The following SGCZ variants were observed in gnomAD, a reference collection of about 807,000 sequenced individuals.
SGCZ encodes the protein sarcoglycan zeta, also known as zeta-sarcoglycan.
A neutral mutation model predicts 41.3 loss-of-function variants in SGCZ; 40 were observed. The ratio of observed to expected loss-of-function variants is 0.97; its 90% CI spans 0.75 to 1.26. The LOEUF (loss-of-function observed/expected upper bound fraction) is 1.26, where lower values mean the gene tolerates loss of function less well. SGCZ is among the 50% of genes most tolerant of loss of function. The pLI is 0.00. For missense variants in SGCZ, 552 were observed against 369.8 expected, an observed-to-expected ratio of 1.49 and a Z score of -4.04; for synonymous variants, 206 against 137.5, an observed-to-expected ratio of 1.50 and a Z score of -3.49.
intron 1 of SGCZ, among the ~76,000 whole-genome samples, chr8:15,177,761 G>C (rs564194509): frequency 6.6e-6 from 1 of 152,150 alleles, no homozygotes; most frequent in African/African-American, 2.4e-5. Flanking sequence ...ATCTTCACTT[G>C]TAAGCAATCA....
At position 14,846,019 on chromosome 8, in the gene SGCZ, C is replaced by T. The variant is rs1213375374; in HGVS notation, c.40-291093G>A. On this transcript the variant is annotated intron_variant, in intron 1 of 7. Coordinates refer to ENST00000382080, the MANE Select transcript of SGCZ (RefSeq NM_139167.4). ...AAGCTTAAACATGTATACACCCAAC[C>T]ACAGGGTTTCAAATACATGAAGCAA... is the stretch of plus-strand genomic sequence containing the variant. 2.6e-5 allele frequency among the ~76,000 whole-genome samples: 4 copies of T among 152,082 alleles called. No individual in the cohort carries two copies. The East Asian group carries it at 7.7e-4, about 29-fold the overall frequency.
At chr8:14,921,744 G>C (rs987400191) in intron 1 of SGCZ, among the ~76,000 whole-genome samples, 2 of 152,080 alleles carry the variant, frequency 1.3e-5, no homozygotes, top group Non-Finnish European at 2.9e-5. Flanking sequence ...TGACAACTTT[G>C]TGTTTTTTCC....
At position 15,229,935 on chromosome 8, in the gene SGCZ, A is replaced by C. The variant is rs1043697869; in HGVS notation, c.39+7650T>G. Reference sequence around the variant, plus strand: ...AAACATGTGTGGAAATAAGTTAGATAATGATAATGTGTGAGTTAGTAATTA... The same window carrying C: ...AAACATGTGTGGAAATAAGTTAGATCATGATAATGTGTGAGTTAGTAATTA... On this transcript the variant is annotated intron_variant, in intron 1 of 7. Coordinates refer to ENST00000382080, the MANE Select transcript of SGCZ (RefSeq NM_139167.4). 2.0e-5 allele frequency among the ~76,000 whole-genome samples: 3 copies of C among 152,212 alleles called. No homozygotes were observed. The East Asian group carries it at 5.8e-4, about 29-fold the overall frequency.
At chr8:14,946,005 C>T (rs762345941) in intron 1 of SGCZ, among the ~76,000 whole-genome samples, 594 of 14,876 alleles carry the variant, frequency 0.04, 9 homozygotes, top group African/African-American at 0.11. Context: ...TAAATGTCCC[C>T]ATATATATAT....
chr8:15,032,479 C>T (rs1252589333), intron 1 of SGCZ, among the ~76,000 whole-genome samples: 6 of 152,082 alleles, frequency 3.9e-5, no homozygotes, highest in Non-Finnish European at 7.4e-5. Flanking sequence ...TAGTAAAATG[C>T]AGTGCCACCC....
chr8:14,650,106 G>A lies in SGCZ; in HGVS notation c.40-95180C>T, dbSNP rs531923467. On this transcript the variant is annotated intron_variant, in intron 1 of 7. Transcript: ENST00000382080. ...GGGTTTGACTGAGCACCCAGACATA[G>A]ACGCAATTTAAAACCAAACCAGCCA... Among the ~76,000 whole-genome samples, 19 of 152,156 alleles carry A rather than the reference G, an allele frequency of 1.2e-4. No individual in the cohort carries two copies. The South Asian group carries it at 3.7e-3, about 30-fold the overall frequency.
At chr8:14,908,708 C>T (rs998123112) in intron 1 of SGCZ, among the ~76,000 whole-genome samples, 10 of 141,286 alleles carry the variant, frequency 7.1e-5, no homozygotes, top group Admixed American at 3.9e-4. Context: ...CGAGATCGGG[C>T]CACTGTACTC....
intron 2 of SGCZ, among the ~76,000 whole-genome samples, chr8:14,378,927 A>G (rs1011392332): frequency 6.6e-6 from 1 of 152,192 alleles, no homozygotes; most frequent in African/African-American, 2.4e-5. Context: ...CTTTTTACAA[A>G]CTCAACATTG....
intron 1 of SGCZ, among the ~76,000 whole-genome samples, chr8:15,098,693 C>A (rs1417457786): frequency 1.3e-5 from 2 of 151,980 alleles, no homozygotes; most frequent in South Asian, 2.1e-4. Context: ...TAAATCTTTT[C>A]TCTCTCCTAC....
At chr8:15,161,727 A>C (rs1040562364) in intron 1 of SGCZ, among the ~76,000 whole-genome samples, 8 of 152,236 alleles carry the variant, frequency 5.3e-5, no homozygotes, top group African/African-American at 1.9e-4. Flanking sequence ...CACATCAAAC[A>C]GTTGGCAATT....
intron 1 of SGCZ, among the ~76,000 whole-genome samples, chr8:14,751,426 A>G (rs1799494329): frequency 6.6e-6 from 1 of 152,214 alleles, no homozygotes. Context: ...CCTTCTGATC[A>G]AAAACACATA....
At chr8:14,499,737 C>T (rs1449668098) in intron 2 of SGCZ, among the ~76,000 whole-genome samples, 1 of 152,004 alleles carries the variant, frequency 6.6e-6, no homozygotes, top group African/African-American at 2.4e-5. Context: ...TAATTTTCAA[C>T]ACCTGTATCT....
At chr8:14,222,149 G>T (rs1436397092) in intron 4 of SGCZ, among the ~76,000 whole-genome samples, 1 of 151,880 alleles carries the variant, frequency 6.6e-6, no homozygotes, top group African/African-American at 2.4e-5. Context: ...TCAGGTTTTT[G>T]TTGTTGTTGT....
intron 1 of SGCZ, among the ~76,000 whole-genome samples, chr8:14,582,288 A>C (rs930067258): frequency 7.2e-5 from 11 of 151,958 alleles, no homozygotes; most frequent in Non-Finnish European, 1.3e-4. Flanking sequence ...GTTTGGGGGG[A>C]GTTAAAATTT....
chr8:14,547,001 T>C (rs923604472), intron 2 of SGCZ, among the ~76,000 whole-genome samples: 7 of 151,994 alleles, frequency 4.6e-5, no homozygotes, highest in African/African-American at 1.7e-4. Flanking sequence ...TAAAGCCTGG[T>C]CTATAATGCA....
At chr8:14,824,000 G>C (rs530625881) in intron 1 of SGCZ, among the ~76,000 whole-genome samples, 1 of 151,658 alleles carries the variant, frequency 6.6e-6, no homozygotes, top group Non-Finnish European at 1.5e-5. Context: ...AAATACTGCA[G>C]GGTATTGCTT....
chr8:14,100,866 C>G (rs969396840), intron 7 of SGCZ, among the ~76,000 whole-genome samples: 1 of 151,796 alleles, frequency 6.6e-6, no homozygotes, highest in Non-Finnish European at 1.5e-5. Context: ...CTCAACTTAT[C>G]CTTTCATTCT....
intron 1 of SGCZ, among the ~76,000 whole-genome samples, chr8:15,177,463 T>A (rs1002739481): frequency 6.6e-6 from 1 of 152,188 alleles, no homozygotes; most frequent in African/African-American, 2.4e-5. Flanking sequence ...TCTGTAAATG[T>A]TGACAACATC....
intron 2 of SGCZ, among the ~76,000 whole-genome samples, chr8:14,512,071 G>T (rs1481450351): frequency 4.6e-5 from 7 of 152,222 alleles, no homozygotes; most frequent in African/African-American, 1.2e-4. Context: ...CATCACCACA[G>T]TAATAACTGA....
Sources: allele counts gnomAD v4.1 joint callset (sites outside exome capture counted in the v4.1 genomes callset), GRCh38; gene constraint gnomAD v4.1.1; transcripts MANE v1.5; gene names NCBI Gene and HGNC (gene_info 2026-07-23, HGNC 2026-07-21).